The following RAMP1 variants were observed in gnomAD, a reference collection of about 807,000 sequenced individuals.
RAMP1 encodes the protein receptor activity modifying protein 1.
A neutral mutation model predicts 8.2 loss-of-function variants in RAMP1; 7 were observed. That is an observed-to-expected ratio of 0.85 (90% confidence interval 0.49 to 1.60). The LOEUF is 1.60. Among genes scored for constraint, RAMP1 ranks in the 40% most tolerant of loss-of-function variants. The probability of loss-of-function intolerance (pLI) is 0.00; values close to 1 mark genes in which losing one functional copy is unlikely to be tolerated. For synonymous variants in RAMP1, 92 were observed against 84.7 expected (o/e 1.09, Z -0.47); for missense variants, 192 against 202.4 (o/e 0.95, Z 0.31).
chr2:237,885,266 T>C (rs569005636), intron 2 of RAMP1, among the ~76,000 whole-genome samples: 6 of 152,298 alleles, frequency 3.9e-5, no homozygotes, highest in African/African-American at 1.4e-4. Flanking sequence ...GGTGTCCTCC[T>C]GGATTTCTGC....
intron 2 of RAMP1, among the ~76,000 whole-genome samples, chr2:237,890,575 C>T (rs2062478355): frequency 6.6e-6 from 1 of 152,196 alleles, no homozygotes; most frequent in African/African-American, 2.4e-5. Flanking sequence ...ACCATCAAAC[C>T]TCAGTAATTT....
chr2:237,893,260 T>C (rs770411803), intron 2 of RAMP1, among the ~76,000 whole-genome samples: 17 of 152,366 alleles, frequency 1.1e-4, no homozygotes, highest in Middle Eastern at 3.4e-3. Context: ...GTGATTTATG[T>C]ATATTTTTAA....
At position 237,878,307 on chromosome 2, in the gene RAMP1, G is replaced by C. The variant is rs1015371371; in HGVS notation, c.191+945G>C. Among the ~76,000 whole-genome samples, 1 of 152,262 alleles carries C rather than the reference G, an allele frequency of 6.6e-6. No individual in the cohort carries two copies. Among genetic ancestry groups the C allele is most frequent in the Non-Finnish European group, 1.5e-5 (1 of 68,042 alleles). On this transcript the variant is annotated intron_variant, in intron 2 of 2. Coordinates refer to ENST00000254661, the MANE Select transcript of RAMP1 (RefSeq NM_005855.4). This position sits in a 1 kb window ranked among gnomAD's most constrained non-coding sequence, Gnocchi z 5.7. ...TGGGGAGGGCCAGGGGCAGGGAGGAGGGCCTCGGGAGGGTCTTCACGGAGG... is the reference window on the plus strand; with the variant it reads ...TGGGGAGGGCCAGGGGCAGGGAGGACGGCCTCGGGAGGGTCTTCACGGAGG...
intron 2 of RAMP1, among the ~76,000 whole-genome samples, chr2:237,887,962 T>C (rs12995100): frequency 0.4 from 61,194 of 151,948 alleles, 13,525 homozygotes; most frequent in Non-Finnish European, 0.5. Flanking sequence ...ATCCTTTGTT[T>C]TTTTAAAAAA....
At chr2:237,896,016 T>A (rs1385315898) in intron 2 of RAMP1, among the ~76,000 whole-genome samples, 1 of 152,080 alleles carries the variant, frequency 6.6e-6, no homozygotes, top group Non-Finnish European at 1.5e-5. Context: ...TCCCAGGGGT[T>A]GTAGTGAGCC....
intron 2 of RAMP1, among the ~76,000 whole-genome samples, chr2:237,890,524 A>G (rs888205312): frequency 2.6e-5 from 4 of 152,188 alleles, no homozygotes; most frequent in African/African-American, 9.7e-5. Flanking sequence ...TGATGTGAGA[A>G]TTACTTATTT....
At chr2:237,859,869 C>G in intron 1 of RAMP1, 142 bp downstream of exon 1, 3 of 776,290 alleles carry the variant, frequency 3.9e-6, no homozygotes, top group Non-Finnish European at 5.4e-6. Context: ...TGCCCTTGAA[C>G]GCGGGCCGCC....
chr2:237,881,831 G>T (rs750975797), intron 2 of RAMP1, among the ~76,000 whole-genome samples: 13 of 151,524 alleles, frequency 8.6e-5, no homozygotes, highest in Non-Finnish European at 1.9e-4. Context: ...CTCCTAGTTT[G>T]TTGGTTGTCT....
chr2:237,884,003 G>A (rs974228558), intron 2 of RAMP1, among the ~76,000 whole-genome samples: 21 of 144,274 alleles, frequency 1.5e-4, no homozygotes, highest in Non-Finnish European at 1.2e-4. Context: ...GGATCTGCAC[G>A]CAGGTGCTTG....
intron 2 of RAMP1, among the ~76,000 whole-genome samples, chr2:237,911,014 G>A (rs1476443142): frequency 1.3e-5 from 2 of 150,566 alleles, no homozygotes; most frequent in African/African-American, 4.9e-5. Flanking sequence ...TCACACACAC[G>A]GTCACACAGA....
intron 2 of RAMP1, among the ~76,000 whole-genome samples, chr2:237,901,043 T>G (rs2062592203): frequency 6.6e-6 from 1 of 152,268 alleles, no homozygotes; most frequent in East Asian, 1.9e-4. Flanking sequence ...CTTGCGTTCC[T>G]GGCAGCTGCG....
chr2:237,890,295 G>T (rs1356531068), intron 2 of RAMP1, among the ~76,000 whole-genome samples: 1 of 151,592 alleles, frequency 6.6e-6, no homozygotes, highest in Non-Finnish European at 1.5e-5. Context: ...TCCACCTCCT[G>T]GGTTCAAGTG....
intron 2 of RAMP1, among the ~76,000 whole-genome samples, chr2:237,893,665 A>G (rs1285667075): frequency 2.0e-5 from 3 of 152,190 alleles, no homozygotes; most frequent in African/African-American, 4.8e-5. Context: ...TCGGCCGGGT[A>G]TGGTGGCTCA....
chr2:237,900,762 T>A (rs1023566591), intron 2 of RAMP1, among the ~76,000 whole-genome samples: 11 of 152,302 alleles, frequency 7.2e-5, no homozygotes, highest in South Asian at 2.1e-4. Context: ...TCCATTTTTT[T>A]AAATTTATCC....
chr2:237,864,707 T>C (rs1168488292), intron 1 of RAMP1, among the ~76,000 whole-genome samples: 1 of 152,174 alleles, frequency 6.6e-6, no homozygotes, highest in South Asian at 2.1e-4. Flanking sequence ...CAGAGGATGA[T>C]CCCACACCAA....
Position 237,911,574 on chromosome 2 carries a change from C to G in RAMP1, c.238C>G (p.Leu80Val), listed in dbSNP as rs2062713346. ...ADCTWHMAEKLGCFWPNAEVD... is the reference protein window; with the variant it reads ...ADCTWHMAEKVGCFWPNAEVD... Reference sequence around the variant, plus strand: ...CTGCACCTGGCACATGGCGGAGAAGCTGGGCTGCTTCTGGCCCAATGCAGA... The same window carrying G: ...CTGCACCTGGCACATGGCGGAGAAGGTGGGCTGCTTCTGGCCCAATGCAGA... Residue 80 changes from leucine (L) to valine (V), a missense_variant, in exon 3 of 3, where the codon CTG becomes GTG. Transcript: ENST00000254661. 6.2e-7 allele frequency: 1 copy of G among 1,614,042 alleles called. No individual in the cohort carries two copies. Among genetic ancestry groups the G allele is most frequent in the African/African-American group, 1.3e-5 (1 of 74,942 alleles).
intron 1 of RAMP1, among the ~76,000 whole-genome samples, chr2:237,863,895 GCCC>G (rs2062156319): frequency 6.6e-6 from 1 of 151,876 alleles, no homozygotes; most frequent in East Asian, 1.9e-4. Context: ...TGTCCACTGT[GCCC>G]TCCGCCAGGG....
chr2:237,888,480 T>G (rs2062457560), intron 2 of RAMP1, among the ~76,000 whole-genome samples: 1 of 149,830 alleles, frequency 6.7e-6, no homozygotes. Context: ...TTGTAGGGAT[T>G]TTATTTTTGC....
At chr2:237,891,119 A>G (rs2062483071) in intron 2 of RAMP1, among the ~76,000 whole-genome samples, 1 of 151,448 alleles carries the variant, frequency 6.6e-6, no homozygotes, top group African/African-American at 2.4e-5. Flanking sequence ...CACTTTCTAT[A>G]GGTTTTGATA....
Sources: gnomAD v4.1 joint callset for allele counts (sites outside exome capture counted in the v4.1 genomes callset) on GRCh38, gnomAD v4.1.1 for gene constraint, Gnocchi (gnomAD v3.1) non-coding constraint, MANE v1.5 for transcripts, NCBI Gene and HGNC (gene_info 2026-07-23, HGNC 2026-07-21) for gene names.